The following PTPRD variants were observed in gnomAD, a reference collection of about 807,000 sequenced individuals.
PTPRD encodes the protein protein tyrosine phosphatase receptor type D.
In PTPRD, 34 loss-of-function variants were observed where a neutral mutation model predicts 214.5. The observed-to-expected ratio is 0.16, with a 90% CI of 0.12 to 0.21. The LOEUF is 0.21. Ranked by LOEUF, PTPRD falls within the 10% of genes least tolerant of loss-of-function variation. The probability of loss-of-function intolerance (pLI) is 1.00; values close to 1 mark genes in which losing one functional copy is unlikely to be tolerated. For synonymous variants in PTPRD, 1,128 were observed against 845.7 expected (o/e 1.33, Z -5.79); for missense variants, 2,545 against 2,398.7 (o/e 1.06, Z -1.27).
At chr9:10,292,102 A>C (rs2095543835) in intron 3 of PTPRD, among the ~76,000 whole-genome samples, 1 of 152,106 alleles carries the variant, frequency 6.6e-6, no homozygotes, top group Admixed American at 6.6e-5. Context: ...AACCCAGGAA[A>C]AATGTAAATC....
At chr9:9,967,292 CATT>C (rs2094772782) in intron 4 of PTPRD, among the ~76,000 whole-genome samples, 2 of 106,082 alleles carry the variant, frequency 1.9e-5, no homozygotes, top group South Asian at 6.9e-4. Flanking sequence ...TTGTCATTAT[CATT>C]ATTAGCAATA....
chr9:8,728,318 A>T (rs2098609960), intron 12 of PTPRD, among the ~76,000 whole-genome samples: 1 of 152,242 alleles, frequency 6.6e-6, no homozygotes, highest in African/African-American at 2.4e-5. Context: ...TGATAGAGAT[A>T]ACACTCATAA....
intron 11 of PTPRD, chr9:8,862,178 GA>G (rs1335687632): frequency 6.6e-6 from 1 of 152,188 alleles, no homozygotes; most frequent in Non-Finnish European, 1.5e-5. Flanking sequence ...CCAACATGGT[GA>G]AACCCGTCTC....
chr9:8,672,841 C>G (rs1596552617), intron 12 of PTPRD, among the ~76,000 whole-genome samples: 3 of 28,600 alleles, frequency 1.0e-4, no homozygotes, highest in Admixed American at 5.8e-4. Flanking sequence ...TTTTTGTACT[C>G]TGTGTGGGGG....
chr9:9,069,068 T>C (rs558316962), intron 10 of PTPRD, among the ~76,000 whole-genome samples: 1 of 152,292 alleles, frequency 6.6e-6, no homozygotes, highest in South Asian at 2.1e-4. Flanking sequence ...AAGAATATGC[T>C]TTTATTCAAT....
chr9:9,568,117 T>C (rs2085161817), intron 8 of PTPRD, among the ~76,000 whole-genome samples: 1 of 151,858 alleles, frequency 6.6e-6, no homozygotes, highest in Admixed American at 6.6e-5. Context: ...ATCCATGAAA[T>C]TCTACAACTT....
At chr9:8,974,381 G>A (rs2099256305) in intron 11 of PTPRD, among the ~76,000 whole-genome samples, 1 of 151,788 alleles carries the variant, frequency 6.6e-6, no homozygotes, top group Non-Finnish European at 1.5e-5. Context: ...CCAACTCTTG[G>A]GTATACTCCT....
At chr9:9,732,280 T>A (rs2098210878) in intron 7 of PTPRD, among the ~76,000 whole-genome samples, 1 of 152,084 alleles carries the variant, frequency 6.6e-6, no homozygotes, top group African/African-American at 2.4e-5. Context: ...TACTTAATTG[T>A]ATAACTTGTA....
intron 14 of PTPRD, among the ~76,000 whole-genome samples, chr9:8,591,613 T>C (rs527245487): frequency 6.6e-6 from 1 of 152,310 alleles, no homozygotes; most frequent in East Asian, 1.9e-4. Context: ...AGTGATTTAA[T>C]TGAATATTAT....
At chr9:9,676,904 T>C (rs984292018) in intron 7 of PTPRD, among the ~76,000 whole-genome samples, 1 of 152,172 alleles carries the variant, frequency 6.6e-6, no homozygotes, top group Non-Finnish European at 1.5e-5. Context: ...TCATGTGTTT[T>C]TTGGCTGCAT....
At chr9:9,937,832 A>G (rs910598010) in intron 5 of PTPRD, among the ~76,000 whole-genome samples, 37 of 152,292 alleles carry the variant, frequency 2.4e-4, no homozygotes, top group Admixed American at 1.3e-3. Context: ...TAATACATAT[A>G]TTTCATTCCC....
intron 4 of PTPRD, among the ~76,000 whole-genome samples, chr9:9,947,360 ATAT>A (rs2092750598): frequency 1.7e-5 from 1 of 58,890 alleles, no homozygotes; most frequent in Non-Finnish European, 2.8e-5. Context: ...TATATTATAT[ATAT>A]TATATATATA....
At chr9:9,671,357 G>C (rs914853144) in intron 7 of PTPRD, among the ~76,000 whole-genome samples, 1 of 152,108 alleles carries the variant, frequency 6.6e-6, no homozygotes, top group Non-Finnish European at 1.5e-5. Flanking sequence ...AGCTTGCTTT[G>C]GATTTTACAG....
chr9:9,865,562 A>G (rs777520532), intron 5 of PTPRD, among the ~76,000 whole-genome samples: 10 of 152,286 alleles, frequency 6.6e-5, no homozygotes, highest in South Asian at 2.1e-4. Context: ...CCCAGCCTCC[A>G]TAACTGTAAG....
chr9:10,399,347 T>G lies in PTPRD; in HGVS notation c.-599-58330A>C, dbSNP rs541669034. On this transcript the variant is annotated intron_variant, in intron 2 of 45. Transcript: ENST00000381196. ...CAATGCTTTGAAAGCATAGACGCTC[T>G]AATTCACAGGAAACACAGTAGTGGT... 3.8e-4 allele frequency among the ~76,000 whole-genome samples: 58 copies of G among 152,106 alleles called. No individual in the cohort carries two copies. The South Asian group carries it at 8.5e-3, about 22-fold the overall frequency.
intron 27 of PTPRD, 75 bp from the exon 28 acceptor site, chr9:8,486,424 G>C (rs2097013001): frequency 8.1e-7 from 1 of 1,238,574 alleles, no homozygotes; most frequent in South Asian, 1.2e-5. Context: ...AAATGAGGGA[G>C]TTCCACTCTA....
At chr9:9,275,096 A>G in intron 9 of PTPRD, among the ~76,000 whole-genome samples, 1 of 71,052 alleles carries the variant, frequency 1.4e-5, no homozygotes, top group Non-Finnish European at 2.5e-5. Flanking sequence ...TATATGTTAT[A>G]TATATAATAT....
At chr9:9,773,371 C>T (rs1200106094) in intron 5 of PTPRD, among the ~76,000 whole-genome samples, 1 of 152,120 alleles carries the variant, frequency 6.6e-6, no homozygotes, top group African/African-American at 2.4e-5. Context: ...TATATGAATA[C>T]AATGTGGTAA....
intron 5 of PTPRD, among the ~76,000 whole-genome samples, chr9:9,839,171 C>A (rs2057652124): frequency 6.6e-6 from 1 of 152,016 alleles, no homozygotes; most frequent in South Asian, 2.1e-4. Flanking sequence ...TTACTGTAGC[C>A]TTGTAGTATA....
Sources: gnomAD v4.1 joint callset for allele counts (sites outside exome capture counted in the v4.1 genomes callset) on GRCh38, gnomAD v4.1.1 for gene constraint, MANE v1.5 for transcripts, NCBI Gene and HGNC (gene_info 2026-07-23, HGNC 2026-07-21) for gene names.